ERBB4: variants seen among roughly 807,000 people sequenced by gnomAD.
The protein encoded by ERBB4 is erb-b2 receptor tyrosine kinase 4, also known as receptor tyrosine-protein kinase erbB-4.
In ERBB4, 42 loss-of-function variants were observed where a neutral mutation model predicts 158.0. The observed-to-expected ratio is 0.27, with a 90% confidence interval of 0.21 to 0.34. The LOEUF is 0.34. Among genes scored for constraint, ERBB4 ranks in the 10% least tolerant of loss-of-function variants. The pLI, the probability that ERBB4 is intolerant of heterozygous loss-of-function variation, is 1.00. For synonymous variants in ERBB4, 583 were observed against 558.7 expected, an observed-to-expected ratio of 1.04 and a Z score of -0.61; for missense variants, 1,333 against 1,624.1, an observed-to-expected ratio of 0.82 and a Z score of 3.08.
intron 20 of ERBB4, among the ~76,000 whole-genome samples, chr2:211,448,633 T>A (rs533328332): frequency 6.6e-6 from 1 of 152,324 alleles, no homozygotes; most frequent in Non-Finnish European, 1.5e-5. Context: ...AATTACATTT[T>A]GAAGGACCAA....
chr2:212,112,818 G>A (rs1222373621), intron 2 of ERBB4, among the ~76,000 whole-genome samples: 3 of 152,106 alleles, frequency 2.0e-5, no homozygotes, highest in Non-Finnish European at 2.9e-5. Flanking sequence ...GTGAGTCTAA[G>A]GAAGCTTATA....
intron 1 of ERBB4, among the ~76,000 whole-genome samples, chr2:212,398,135 C>CAT (rs143255570): frequency 1.2e-3 from 183 of 150,448 alleles, no homozygotes; most frequent in Middle Eastern, 6.8e-3. Flanking sequence ...TATATATACA[C>CAT]ATATATATAT....
intron 2 of ERBB4, among the ~76,000 whole-genome samples, chr2:212,098,813 T>C (rs2079001255): frequency 6.6e-6 from 1 of 152,134 alleles, no homozygotes; most frequent in Non-Finnish European, 1.5e-5. Context: ...TCTTGTAAGA[T>C]TGGTATCCTA....
At chr2:212,185,149 T>A (rs914411551) in intron 1 of ERBB4, among the ~76,000 whole-genome samples, 31 of 151,836 alleles carry the variant, frequency 2.0e-4, no homozygotes, top group African/African-American at 7.5e-4. Context: ...GCCTCCCGAG[T>A]ATCTGGGATT....
intron 3 of ERBB4, among the ~76,000 whole-genome samples, chr2:211,908,041 T>A (rs2079444672): frequency 6.8e-6 from 1 of 146,524 alleles, no homozygotes; most frequent in African/African-American, 2.6e-5. Context: ...ATTGGAGCAC[T>A]GGAAAAAAAA....
chr2:212,344,889 G>C (rs2088907380), intron 1 of ERBB4, among the ~76,000 whole-genome samples: 1 of 152,074 alleles, frequency 6.6e-6, no homozygotes, highest in Admixed American at 6.5e-5. Flanking sequence ...AGACTCTTTT[G>C]TTATCTTCAA....
At chr2:211,426,645 C>T (rs1036474732) in intron 22 of ERBB4, among the ~76,000 whole-genome samples, 28 of 151,814 alleles carry the variant, frequency 1.8e-4, no homozygotes, top group African/African-American at 5.8e-4. Flanking sequence ...ACTGTTCTGC[C>T]CAGTTTATAT....
intron 1 of ERBB4, among the ~76,000 whole-genome samples, chr2:212,331,501 T>C (rs1329349226): frequency 6.6e-6 from 1 of 151,992 alleles, no homozygotes; most frequent in Non-Finnish European, 1.5e-5. Flanking sequence ...CCTTCAGTTT[T>C]TATATCATAA....
chr2:211,773,626 A>ATATATAT (rs1553630444), intron 4 of ERBB4, among the ~76,000 whole-genome samples: 1 of 78,568 alleles, frequency 1.3e-5, no homozygotes, highest in African/African-American at 6.6e-5. Flanking sequence ...ATATATATAT[A>ATATATAT]TATATATATA....
intron 1 of ERBB4, among the ~76,000 whole-genome samples, chr2:212,132,883 ACTATC>A (rs1439657190): frequency 6.6e-6 from 1 of 152,136 alleles, no homozygotes; most frequent in African/African-American, 2.4e-5. Context: ...TAGAAAATTA[ACTATC>A]ATAAGCCCAT....
intron 1 of ERBB4, among the ~76,000 whole-genome samples, chr2:212,167,753 T>C (rs1488341490): frequency 1.3e-5 from 2 of 152,100 alleles, no homozygotes; most frequent in Non-Finnish European, 2.9e-5. Context: ...TGGAATACTA[T>C]GCAGCCATAA....
chr2:211,681,797 A>G (rs139939733), intron 12 of ERBB4, among the ~76,000 whole-genome samples: 4 of 152,108 alleles, frequency 2.6e-5, no homozygotes, highest in African/African-American at 9.6e-5. Context: ...TTCTTTTAAT[A>G]CTGTCTTTTG....
chr2:211,452,728 C>T (rs1484368990), intron 20 of ERBB4, among the ~76,000 whole-genome samples: 1 of 152,080 alleles, frequency 6.6e-6, no homozygotes, highest in East Asian at 1.9e-4. Context: ...CAGGTCTATA[C>T]ATTTCATAGT....
intron 19 of ERBB4, among the ~76,000 whole-genome samples, chr2:211,583,937 T>C (rs1330830353): frequency 6.6e-6 from 1 of 150,796 alleles, no homozygotes; most frequent in African/African-American, 2.4e-5. Flanking sequence ...CAATTTAAAA[T>C]GCAATTTTAA....
At chr2:212,129,711 G>T (rs974183176) in intron 1 of ERBB4, among the ~76,000 whole-genome samples, 1 of 151,796 alleles carries the variant, frequency 6.6e-6, no homozygotes, top group African/African-American at 2.4e-5. Flanking sequence ...ATTTGAATAA[G>T]TATGTTTAGA....
chr2:212,294,234 T>C (rs189714930), intron 1 of ERBB4, among the ~76,000 whole-genome samples: 45 of 152,200 alleles, frequency 3.0e-4, no homozygotes, highest in Non-Finnish European at 6.0e-4. Context: ...AAAAACTATG[T>C]AGAAGCATCC....
In ERBB4 at chr2:211,448,218, C is replaced by A. The variant is rs548558298; in HGVS notation, c.2488-17118G>T. 1.1e-3 allele frequency among the ~76,000 whole-genome samples: 174 copies of A among 152,188 alleles called. 1 individual carries two copies. Among genetic ancestry groups the A allele is most frequent in the African/African-American group, 4.1e-3 (169 of 41,530 alleles). On this transcript the variant is annotated intron_variant, in intron 20 of 27. Transcript: ENST00000342788. Reference sequence around the variant, plus strand: ...AAACTCCTGACCTCAAGTGATCCACCCGCCTCAGCCTCCCAAAGTACTGGG... The same window carrying A: ...AAACTCCTGACCTCAAGTGATCCACACGCCTCAGCCTCCCAAAGTACTGGG...
chr2:211,577,740 G>A (rs1181852830), intron 19 of ERBB4, among the ~76,000 whole-genome samples: 1 of 151,974 alleles, frequency 6.6e-6, no homozygotes, highest in Non-Finnish European at 1.5e-5. Flanking sequence ...ATGCAGCAAA[G>A]GCCTTCAATA....
rs386392490 is a variant in ERBB4 at position 211,867,024 on chromosome 2, C to CAAAAAAA, written c.422-78872_422-78866dup. ...TATTAAACTCTCCATTCCTTAAAAC[C>CAAAAAAA]AAAAAAAAAAAAAAAAAAAAAAAAA... On this transcript the variant is annotated intron_variant, in intron 3 of 27. Coordinates refer to ENST00000342788, the MANE Select transcript of ERBB4 (RefSeq NM_005235.3). Among the ~76,000 whole-genome samples, 238 of 60,632 alleles carry CAAAAAAA rather than the reference C, an allele frequency of 3.9e-3. 31 individuals carry two copies. The highest frequency in any genetic ancestry group is 6.4e-3 in the African/African-American group (93 of 14,504). 39.8% of individuals were successfully genotyped at this position (60,632 alleles called of 152,430 possible).
Sources: allele counts gnomAD v4.1 joint callset (sites outside exome capture counted in the v4.1 genomes callset), GRCh38; gene constraint gnomAD v4.1.1; transcripts MANE v1.5; gene names NCBI Gene and HGNC (gene_info 2026-07-23, HGNC 2026-07-21).